The following TMEM132D variants were observed in gnomAD, a reference collection of about 807,000 sequenced individuals.
TMEM132D encodes transmembrane protein 132D, also known as mature OL transmembrane protein.
Under a neutral mutation model 62.3 loss-of-function variants are expected in TMEM132D, and 21 were observed. That is an observed-to-expected ratio of 0.34 (90% CI 0.24 to 0.49). TMEM132D has a LOEUF of 0.49. TMEM132D is among the 20% of genes least tolerant of loss of function. TMEM132D has a pLI of 0.99. For missense variants in TMEM132D, 1,346 were observed against 1,402.8 expected (o/e 0.96, Z 0.65); for synonymous variants, 621 against 575.6 (o/e 1.08, Z -1.13).
intron 8 of TMEM132D, among the ~76,000 whole-genome samples, chr12:129,076,654 T>C (rs1261667905): frequency 2.0e-5 from 3 of 152,318 alleles, no homozygotes; most frequent in East Asian, 3.9e-4. Context: ...CCAGGTTCTC[T>C]CAATCGGCCA....
At chr12:129,414,889 T>C (rs538056581) in intron 3 of TMEM132D, among the ~76,000 whole-genome samples, 5 of 152,330 alleles carry the variant, frequency 3.3e-5, no homozygotes, top group South Asian at 4.1e-4. Flanking sequence ...TCAACTCTTT[T>C]AGATTCCACA....
chr12:129,573,318 T>G (rs1424153585), intron 2 of TMEM132D, among the ~76,000 whole-genome samples: 1 of 152,178 alleles, frequency 6.6e-6, no homozygotes, highest in African/African-American at 2.4e-5. Flanking sequence ...CTCCTGCTTT[T>G]CAGAGGCCTG....
intron 1 of TMEM132D, among the ~76,000 whole-genome samples, chr12:129,724,521 CTGTTTT>C (rs1165854596): frequency 5.3e-5 from 8 of 151,972 alleles, no homozygotes; most frequent in Non-Finnish European, 7.4e-5. Flanking sequence ...TTTTTTGTTT[CTGTTTT>C]TGTTTTTGTT....
intron 5 of TMEM132D, chr12:129,085,080 C>G: frequency 3.1e-6 from 1 of 321,244 alleles, no homozygotes. Context: ...CACCCCGCTT[C>G]TCTGCCCAGT....
At chr12:129,193,157 CAAAAAAA>C (rs56805583) in intron 5 of TMEM132D, among the ~76,000 whole-genome samples, 2 of 114,962 alleles carry the variant, frequency 1.7e-5, no homozygotes, top group Non-Finnish European at 1.9e-5. Context: ...GATTCTGTCT[CAAAAAAA>C]AAAAAAAAAA....
At chr12:129,687,386 T>C (rs1880958054) in intron 2 of TMEM132D, among the ~76,000 whole-genome samples, 1 of 151,928 alleles carries the variant, frequency 6.6e-6, no homozygotes, top group Non-Finnish European at 1.5e-5. Context: ...TGAACATCTG[T>C]CATGTTTTAG....
intron 7 of TMEM132D, 112 bp from the exon 8 acceptor site, chr12:129,078,837 AGAAT>A (rs1874360993): frequency 1.9e-6 from 2 of 1,032,508 alleles, no homozygotes; most frequent in East Asian, 2.5e-5. Flanking sequence ...CATGTGAGCC[AGAAT>A]GAATGAGAAC....
intron 3 of TMEM132D, among the ~76,000 whole-genome samples, chr12:129,513,651 A>AT (rs1334972065): frequency 7.1e-4 from 105 of 148,050 alleles, no homozygotes; most frequent in African/African-American, 2.4e-3. Flanking sequence ...CGCCCGGATA[A>AT]TTTTTTTGTA....
intron 2 of TMEM132D, among the ~76,000 whole-genome samples, chr12:129,689,968 G>T (rs1881025280): frequency 6.6e-6 from 1 of 152,154 alleles, no homozygotes; most frequent in African/African-American, 2.4e-5. Flanking sequence ...ATACATTCAA[G>T]GAAGAAATAA....
chr12:129,155,182 G>A (rs1411065828), intron 5 of TMEM132D, among the ~76,000 whole-genome samples: 1 of 152,166 alleles, frequency 6.6e-6, no homozygotes, highest in Non-Finnish European at 1.5e-5. Context: ...TCTGATAAAG[G>A]AACTCACTAA....
chr12:129,331,672 T>C (rs185657070), intron 4 of TMEM132D, among the ~76,000 whole-genome samples: 2 of 152,350 alleles, frequency 1.3e-5, no homozygotes, highest in Admixed American at 1.3e-4. Flanking sequence ...GTTTGTTTTA[T>C]TTTAAAATGA....
At chr12:129,360,601 C>T (rs1340311002) in intron 3 of TMEM132D, among the ~76,000 whole-genome samples, 3 of 152,132 alleles carry the variant, frequency 2.0e-5, no homozygotes, top group African/African-American at 7.2e-5. Flanking sequence ...CATCTGATCA[C>T]CCAGCTGGGG....
intron 2 of TMEM132D, among the ~76,000 whole-genome samples, chr12:129,583,483 C>T (rs1877936399): frequency 6.6e-6 from 1 of 152,180 alleles, no homozygotes; most frequent in African/African-American, 2.4e-5. Flanking sequence ...GTGACGTTGA[C>T]TCTTTGTAAA....
chr12:129,119,737 G>T (rs959619895), intron 5 of TMEM132D, among the ~76,000 whole-genome samples: 2 of 152,194 alleles, frequency 1.3e-5, no homozygotes. Context: ...CGCTGTCCTT[G>T]GTTCTGGAGA....
intron 2 of TMEM132D, among the ~76,000 whole-genome samples, chr12:129,636,733 T>TGA (rs370268882): frequency 8.9e-4 from 81 of 90,680 alleles, no homozygotes; most frequent in East Asian, 1.2e-3. Flanking sequence ...TGTGTGTGTG[T>TGA]GTGTGAGAGA....
At chr12:129,260,809 T>C (rs891721305) in intron 4 of TMEM132D, among the ~76,000 whole-genome samples, 4 of 148,938 alleles carry the variant, frequency 2.7e-5, no homozygotes, top group African/African-American at 9.8e-5. Context: ...AATAATGGCC[T>C]CCAGCTCCAT....
At chr12:129,087,971 CCA>C (rs1197053225) in intron 5 of TMEM132D, among the ~76,000 whole-genome samples, 1 of 118,096 alleles carries the variant, frequency 8.5e-6, no homozygotes, top group African/African-American at 3.0e-5. Context: ...GGGGTGTCCT[CCA>C]TGACCGGGTG....
intron 3 of TMEM132D, among the ~76,000 whole-genome samples, chr12:129,502,292 C>T (rs1875173304): frequency 6.6e-6 from 1 of 152,186 alleles, no homozygotes; most frequent in South Asian, 2.1e-4. Context: ...AGCCACGGCG[C>T]CCGGCCTTCT....
intron 2 of TMEM132D, among the ~76,000 whole-genome samples, chr12:129,552,546 T>C (rs1192605999): frequency 7.3e-6 from 1 of 136,988 alleles, no homozygotes; most frequent in Non-Finnish European, 1.6e-5. Flanking sequence ...TACCTACCTA[T>C]TATCTATCGA....
Sources: allele counts gnomAD v4.1 joint callset (sites outside exome capture counted in the v4.1 genomes callset), GRCh38; gene constraint gnomAD v4.1.1; transcripts MANE v1.5; gene names NCBI Gene and HGNC (gene_info 2026-07-23, HGNC 2026-07-21).